DIS3L2: variants seen among roughly 807,000 people sequenced by gnomAD.
DIS3L2 encodes DIS3 like 3'-5' exoribonuclease 2.
In DIS3L2, 34 loss-of-function variants were observed where a neutral mutation model predicts 97.5. The ratio of observed to expected loss-of-function variants is 0.35; its 90% CI spans 0.27 to 0.46. The LOEUF is 0.46. DIS3L2 is among the 20% of genes least tolerant of loss of function. The pLI is 1.00. For synonymous variants in DIS3L2, 435 were observed against 445.2 expected, an observed-to-expected ratio of 0.98 and a Z score of 0.29; for missense variants, 1,038 against 1,146.0, an observed-to-expected ratio of 0.91 and a Z score of 1.36.
intron 8 of DIS3L2, among the ~76,000 whole-genome samples, chr2:232,155,239 T>C (rs1690457302): frequency 6.6e-6 from 1 of 151,412 alleles, no homozygotes; most frequent in African/African-American, 2.4e-5. Context: ...CCTCCTTAAT[T>C]TTCTAAAGGT....
intron 12 of DIS3L2, among the ~76,000 whole-genome samples, chr2:232,262,534 A>G (rs1693738115): frequency 6.6e-6 from 1 of 152,194 alleles, no homozygotes; most frequent in African/African-American, 2.4e-5. Flanking sequence ...TTGATTATCA[A>G]CTTGGTAGGG....
At chr2:231,976,672 C>T (rs1042268354) in intron 1 of DIS3L2, among the ~76,000 whole-genome samples, 4 of 151,558 alleles carry the variant, frequency 2.6e-5, no homozygotes, top group African/African-American at 9.7e-5. Context: ...TGTAATACAC[C>T]TACTGAACAT....
At chr2:232,066,897 A>G (rs1374746289) in intron 5 of DIS3L2, among the ~76,000 whole-genome samples, 1 of 152,150 alleles carries the variant, frequency 6.6e-6, no homozygotes, top group African/African-American at 2.4e-5. Flanking sequence ...CATTTCATCT[A>G]ATTTGTAGAC....
At chr2:232,029,727 A>G (rs1322790494) in intron 4 of DIS3L2, among the ~76,000 whole-genome samples, 1 of 151,404 alleles carries the variant, frequency 6.6e-6, no homozygotes, top group African/African-American at 2.4e-5. Flanking sequence ...TCCTGCCCTC[A>G]GTTTGTTTTC....
chr2:232,021,243 T>C (rs2106229001), intron 3 of DIS3L2, among the ~76,000 whole-genome samples: 1 of 152,186 alleles, frequency 6.6e-6, no homozygotes, highest in African/African-American at 2.4e-5. Context: ...AAGAGGTTTG[T>C]TCAGGATTTG....
intron 9 of DIS3L2, among the ~76,000 whole-genome samples, chr2:232,167,148 A>G (rs1423920686): frequency 1.3e-5 from 2 of 152,184 alleles, no homozygotes; most frequent in Admixed American, 6.5e-5. Flanking sequence ...TTAATGCCTA[A>G]AGTAGTAATG....
intron 8 of DIS3L2, among the ~76,000 whole-genome samples, chr2:232,159,278 T>TG (rs1690584170): frequency 6.6e-6 from 1 of 152,258 alleles, no homozygotes; most frequent in East Asian, 1.9e-4. Context: ...GTAATGCCAG[T>TG]TATTCTCTTA....
chr2:232,170,500 C>T (rs1690951258), intron 9 of DIS3L2, among the ~76,000 whole-genome samples: 1 of 152,058 alleles, frequency 6.6e-6, no homozygotes, highest in South Asian at 2.1e-4. Context: ...TATCTATTTC[C>T]TTACTATTCC....
At chr2:232,312,798 T>A (rs1303840553) in intron 14 of DIS3L2, among the ~76,000 whole-genome samples, 1 of 152,230 alleles carries the variant, frequency 6.6e-6, no homozygotes, top group African/African-American at 2.4e-5. Flanking sequence ...GAGATCTTGC[T>A]CATGTTTCAT....
chr2:232,333,758 TGA>T, intron 16 of DIS3L2, 80 bp from the exon 17 acceptor site: 69 of 1,401,582 alleles, frequency 4.9e-5, no homozygotes, highest in Admixed American at 2.8e-4. Context: ...CTGCCGACGG[TGA>T]GGCTGTGGGT....
chr2:232,258,942 C>T (rs1693643324), intron 12 of DIS3L2, among the ~76,000 whole-genome samples: 1 of 152,176 alleles, frequency 6.6e-6, no homozygotes. Flanking sequence ...AAGATGGTTT[C>T]AGGCCTTCTT....
rs778540137 is a variant in DIS3L2 at position 232,325,180 on chromosome 2, C to A, written c.1740-4633C>A. 6.6e-6 allele frequency among the ~76,000 whole-genome samples: 1 copy of A among 152,048 alleles called. No individual in the cohort carries two copies. The highest frequency in any genetic ancestry group is 1.5e-5 in the Non-Finnish European group (1 of 67,990). ...TTTCCCAGCATCGTCCTTTAAGATG[C>A]GACAGAAACAGGTCCCACCTGAGCC... On this transcript the variant is annotated intron_variant, in intron 14 of 20. Transcript: ENST00000325385. The surrounding 1 kb of genome is among the most constrained non-coding windows in gnomAD (Gnocchi z 4.6).
chr2:232,140,127 C>T (rs946795221), intron 8 of DIS3L2, among the ~76,000 whole-genome samples: 1 of 152,138 alleles, frequency 6.6e-6, no homozygotes, highest in Non-Finnish European at 1.5e-5. Context: ...CAAACTTTTG[C>T]ACATTACACT....
chr2:232,047,595 A>G (rs1695276925), intron 5 of DIS3L2, among the ~76,000 whole-genome samples: 1 of 152,244 alleles, frequency 6.6e-6, no homozygotes, highest in South Asian at 2.1e-4. Context: ...CACCATTTTG[A>G]TAATTTAAAG....
chr2:232,227,295 C>T (rs570900171), intron 10 of DIS3L2, among the ~76,000 whole-genome samples: 3 of 152,168 alleles, frequency 2.0e-5, no homozygotes, highest in East Asian at 3.9e-4. Context: ...GTCAAGAACC[C>T]GATGCTGAGG....
intron 13 of DIS3L2, among the ~76,000 whole-genome samples, chr2:232,295,456 G>C (rs1201995448): frequency 6.6e-6 from 1 of 152,108 alleles, no homozygotes; most frequent in East Asian, 1.9e-4. Context: ...CTTTTGTGTT[G>C]GATCCAATCC....
intron 6 of DIS3L2, among the ~76,000 whole-genome samples, chr2:232,106,018 G>C (rs1030113831): frequency 2.0e-5 from 3 of 152,118 alleles, no homozygotes; most frequent in Non-Finnish European, 4.4e-5. Flanking sequence ...GGGTCTCTGA[G>C]TAATGGTATC....
intron 9 of DIS3L2, among the ~76,000 whole-genome samples, chr2:232,169,557 T>TA (rs1489624364): frequency 6.6e-6 from 1 of 152,104 alleles, no homozygotes; most frequent in Admixed American, 6.5e-5. Context: ...TAGAGGGAAA[T>TA]AGAGTGACTA....
At chr2:231,965,585 G>A (rs916726998) in intron 1 of DIS3L2, among the ~76,000 whole-genome samples, 1 of 151,848 alleles carries the variant, frequency 6.6e-6, no homozygotes, top group African/African-American at 2.4e-5. Context: ...TAGACTTAGT[G>A]TTCATTTATT....
Sources: allele counts gnomAD v4.1 joint callset (sites outside exome capture counted in the v4.1 genomes callset), GRCh38; gene constraint gnomAD v4.1.1; non-coding constraint Gnocchi (gnomAD v3.1); transcripts MANE v1.5; gene names NCBI Gene and HGNC (gene_info 2026-07-23, HGNC 2026-07-21).